Variants in SORCS2 observed in about 807,000 individuals in gnomAD.
SORCS2 encodes VPS10 domain-containing receptor SorCS2.
SORCS2 carries 100 observed loss-of-function variants against 141.6 expected under a neutral mutation model. The observed-to-expected ratio is 0.71, with a 90% CI of 0.60 to 0.83. The LOEUF is 0.83. Ranked by LOEUF, SORCS2 falls within the 40% of genes least tolerant of loss-of-function variation. SORCS2 has a pLI of 0.00. For missense variants in SORCS2, 1,646 were observed against 1,560.2 expected, an observed-to-expected ratio of 1.05 and a Z score of -0.93; for synonymous variants, 789 against 676.9, an observed-to-expected ratio of 1.17 and a Z score of -2.57.
At chr4:7,484,002 C>G (rs947128182) in intron 2 of SORCS2, among the ~76,000 whole-genome samples, 5 of 152,208 alleles carry the variant, frequency 3.3e-5, no homozygotes, top group Admixed American at 1.3e-4. Flanking sequence ...CTTCAAAGCC[C>G]AGGCTCTCCT....
chr4:7,326,420 G>A (rs962562538), intron 1 of SORCS2, among the ~76,000 whole-genome samples: 13 of 152,160 alleles, frequency 8.5e-5, no homozygotes, highest in African/African-American at 2.9e-4. Flanking sequence ...TGCCACACCC[G>A]GCCTGGTGCC....
At chr4:7,215,550 C>T (rs1728293564) in intron 1 of SORCS2, among the ~76,000 whole-genome samples, 1 of 152,274 alleles carries the variant, frequency 6.6e-6, no homozygotes, top group South Asian at 2.1e-4. Context: ...GCTCCACCTG[C>T]AGCCCCGGTG....
At chr4:7,592,985 C>T (rs919798970) in intron 3 of SORCS2, among the ~76,000 whole-genome samples, 2 of 152,142 alleles carry the variant, frequency 1.3e-5, no homozygotes, top group African/African-American at 2.4e-5. Context: ...GTATCCCAAA[C>T]CCTACTGGCT....
intron 9 of SORCS2, among the ~76,000 whole-genome samples, chr4:7,681,863 C>T (rs1472124154): frequency 6.6e-6 from 1 of 152,216 alleles, no homozygotes; most frequent in Non-Finnish European, 1.5e-5. Flanking sequence ...CTCTGAGCCT[C>T]AGTTTCCCAT....
chr4:7,720,114 T>G (rs926334016), intron 18 of SORCS2, among the ~76,000 whole-genome samples: 1 of 152,140 alleles, frequency 6.6e-6, no homozygotes, highest in Non-Finnish European at 1.5e-5. Context: ...CGCAGATTTG[T>G]ACACACTCAC....
At chr4:7,271,424 C>T (rs1284022721) in intron 1 of SORCS2, among the ~76,000 whole-genome samples, 1 of 152,224 alleles carries the variant, frequency 6.6e-6, no homozygotes, top group East Asian at 1.9e-4. Context: ...AGCCATGGCA[C>T]CTTTCGTGTC....
At chr4:7,496,085 T>A (rs1731598312) in intron 2 of SORCS2, among the ~76,000 whole-genome samples, 1 of 151,748 alleles carries the variant, frequency 6.6e-6, no homozygotes. Context: ...TGGACGGGGG[T>A]GGGGATTTGG....
At chr4:7,707,786 G>A (rs1039773205) in intron 14 of SORCS2, among the ~76,000 whole-genome samples, 1 of 152,234 alleles carries the variant, frequency 6.6e-6, no homozygotes, top group African/African-American at 2.4e-5. Flanking sequence ...GCACCTGTGA[G>A]GATGACACAG....
At chr4:7,724,126 G>GGTGGTGGTGGTGGTGGTGATGGTC (rs1726808629) in intron 19 of SORCS2, among the ~76,000 whole-genome samples, 1 of 139,002 alleles carries the variant, frequency 7.2e-6, no homozygotes. Context: ...TGGTGGTGGT[G>GGTGGTGGTGGTGGTGGTGATGGTC]GTGGTGGTGG....
At chr4:7,570,931 G>T (rs915206975) in intron 3 of SORCS2, among the ~76,000 whole-genome samples, 1 of 152,122 alleles carries the variant, frequency 6.6e-6, no homozygotes, top group African/African-American at 2.4e-5. Flanking sequence ...CTGGCTGTTG[G>T]CTTTGCTGTT....
intron 15 of SORCS2, 103 bp downstream of exon 15, chr4:7,712,956 C>T (rs1434517182): frequency 1.3e-6 from 2 of 1,484,614 alleles, no homozygotes; most frequent in Non-Finnish European, 1.8e-6. Context: ...CAGGGCACCT[C>T]CCCGCCTCCA....
intron 4 of SORCS2, among the ~76,000 whole-genome samples, chr4:7,646,684 G>A (rs140878300): frequency 2.0e-5 from 3 of 152,160 alleles, no homozygotes; most frequent in Non-Finnish European, 2.9e-5. Context: ...ACATAAAGAC[G>A]AGGGAGAAGG....
At chr4:7,295,947 G>A (rs1035740189) in intron 1 of SORCS2, among the ~76,000 whole-genome samples, 3 of 152,230 alleles carry the variant, frequency 2.0e-5, no homozygotes, top group Admixed American at 2.0e-4. Context: ...CCTGTTGCAG[G>A]GGCTTCCCTG....
chr4:7,315,177 C>A (rs552900126), intron 1 of SORCS2, among the ~76,000 whole-genome samples: 4 of 152,254 alleles, frequency 2.6e-5, no homozygotes, highest in Admixed American at 2.0e-4. Context: ...CTGTGGAGAG[C>A]CCTGAGCTTC....
chr4:7,734,251 T>C (rs891466496), intron 24 of SORCS2, 21 bp from the exon 25 acceptor site: 2 of 1,570,720 alleles, frequency 1.3e-6, no homozygotes, highest in African/African-American at 1.4e-5. Flanking sequence ...GGTCCTCCAC[T>C]GACAACCGCT....
intron 5 of SORCS2, among the ~76,000 whole-genome samples, chr4:7,657,866 G>T (rs1486658039): frequency 6.6e-6 from 1 of 151,970 alleles, no homozygotes; most frequent in African/African-American, 2.4e-5. Context: ...AAGTGAATGA[G>T]TGAGTGAGTC....
intron 4 of SORCS2, among the ~76,000 whole-genome samples, chr4:7,651,817 G>A (rs146481151): frequency 2.2e-3 from 332 of 152,348 alleles, no homozygotes; most frequent in African/African-American, 7.6e-3. Context: ...TTCCTCATGG[G>A]TAAGAGGTGA....
At chr4:7,587,674 GAGGT>G (rs1232147314) in intron 3 of SORCS2, among the ~76,000 whole-genome samples, 1 of 152,192 alleles carries the variant, frequency 6.6e-6, no homozygotes, top group East Asian at 1.9e-4. Context: ...CCTCCCAGGG[GAGGT>G]AGGGGGCACA....
intron 1 of SORCS2, among the ~76,000 whole-genome samples, chr4:7,270,817 A>T (rs1715074180): frequency 6.6e-6 from 1 of 152,262 alleles, no homozygotes; most frequent in Admixed American, 6.5e-5. Flanking sequence ...TATTTTTCTG[A>T]GTTAGAACCA....
Sources: allele counts gnomAD v4.1 joint callset (sites outside exome capture counted in the v4.1 genomes callset), GRCh38; gene constraint gnomAD v4.1.1; transcripts MANE v1.5; gene names NCBI Gene and HGNC (gene_info 2026-07-23, HGNC 2026-07-21).